Variants in MAST2 observed in about 807,000 individuals in gnomAD.
MAST2 encodes microtubule-associated serine/threonine-protein kinase 2.
MAST2 carries 70 observed loss-of-function variants against 147.4 expected under a neutral mutation model. That is an observed-to-expected ratio of 0.47 (90% confidence interval 0.39 to 0.58). The LOEUF (loss-of-function observed/expected upper bound fraction) is 0.58, where lower values mean the gene tolerates loss of function less well. Ranked by LOEUF, MAST2 falls within the 20% of genes least tolerant of loss-of-function variation. The pLI, the probability that MAST2 is intolerant of heterozygous loss-of-function variation, is 0.00. For synonymous variants in MAST2, 869 were observed against 896.8 expected, an observed-to-expected ratio of 0.97 and a Z score of 0.55; for missense variants, 2,080 against 2,302.3, an observed-to-expected ratio of 0.90 and a Z score of 1.98.
At chr1:45,860,819 C>T (rs936662601) in intron 3 of MAST2, among the ~76,000 whole-genome samples, 2 of 151,776 alleles carry the variant, frequency 1.3e-5, no homozygotes, top group Admixed American at 1.3e-4. Flanking sequence ...GCGACAAGAG[C>T]GAAACTCCGT....
chr1:46,004,918 A>G (rs890557360), intron 7 of MAST2, among the ~76,000 whole-genome samples: 5 of 152,130 alleles, frequency 3.3e-5, no homozygotes, highest in Non-Finnish European at 5.9e-5. Flanking sequence ...TAAAAAAAAA[A>G]TAGCTGGACA....
chr1:45,824,118 T>TA (rs1016509091), intron 1 of MAST2, among the ~76,000 whole-genome samples: 1 of 152,192 alleles, frequency 6.6e-6, no homozygotes, highest in African/African-American at 2.4e-5. Context: ...AGGGTATGAA[T>TA]AAAAGGATAA....
intron 1 of MAST2, among the ~76,000 whole-genome samples, chr1:45,819,267 A>G (rs1334015349): frequency 1.3e-5 from 2 of 152,172 alleles, no homozygotes; most frequent in East Asian, 3.9e-4. Context: ...AAAAAAAAAA[A>G]AAGAATGTAT....
In MAST2 at chr1:45,888,663, C is replaced by CTTTTTTTTTTT. The variant is rs71587722; in HGVS notation, c.500+6294_500+6304dup. On this transcript the variant is annotated intron_variant, in intron 4 of 28. Transcript: ENST00000361297. ...AGGCGTGAGCCACCGCGCGCGGCCT[C>CTTTTTTTTTTT]TTTTTTTTTTTTTTTTTTTTTTTTT... Among the ~76,000 whole-genome samples the CTTTTTTTTTTT allele has an allele frequency of 2.5e-3, 121 of 48,712 alleles. 14 individuals carry two copies. The highest frequency in any genetic ancestry group is 3.0e-3 in the Non-Finnish European group (78 of 25,760). 32.0% of individuals were successfully genotyped at this position (48,712 alleles called of 152,430 possible).
At chr1:46,002,243 C>T (rs1379372598) in intron 6 of MAST2, among the ~76,000 whole-genome samples, 1 of 152,178 alleles carries the variant, frequency 6.6e-6, no homozygotes, top group Non-Finnish European at 1.5e-5. Flanking sequence ...CATAAAGTTA[C>T]TGTCACTCTT....
At chr1:45,823,033 GA>G (rs1348273858) in intron 1 of MAST2, among the ~76,000 whole-genome samples, 1 of 151,958 alleles carries the variant, frequency 6.6e-6, no homozygotes, top group Non-Finnish European at 1.5e-5. Flanking sequence ...ACCATGTTTT[GA>G]AATTGTCTTT....
At chr1:45,834,377 T>G (rs1645043052) in intron 3 of MAST2, among the ~76,000 whole-genome samples, 1 of 152,144 alleles carries the variant, frequency 6.6e-6, no homozygotes, top group Admixed American at 6.5e-5. Context: ...ATTTCCATTT[T>G]GAGGCCATCT....
chr1:45,863,019 T>C (rs1251735074), intron 3 of MAST2, among the ~76,000 whole-genome samples: 2 of 152,178 alleles, frequency 1.3e-5, no homozygotes. Context: ...TCTTCTAGAA[T>C]AGGATTATTA....
At position 46,022,940 on chromosome 1, in the gene MAST2, C is replaced by G. The variant is rs1378998931; in HGVS notation, c.1454C>G (p.Pro485Arg). The part of the protein sequence containing the change: ...EMAQLSSCDS[P>R]DTPETDDSIE... ...GCCCAGTTGAGCAGCTGTGACAGTC[C>G]TGACACTCCAGAGACAGATGATTCT... is the stretch of plus-strand genomic sequence containing the variant. The change falls in exon 13 of 29, where the codon CCT (proline) becomes CGT (arginine). Residue 485 changes from proline (P) to arginine (R), a missense_variant. Transcript: ENST00000361297. 2 of 1,614,018 alleles carry G rather than the reference C, an allele frequency of 1.2e-6. No homozygotes were observed. The highest frequency in any genetic ancestry group is 2.2e-5 in the East Asian group (1 of 44,904).
intron 5 of MAST2, among the ~76,000 whole-genome samples, chr1:45,967,199 G>T (rs1249526937): frequency 1.3e-5 from 2 of 151,688 alleles, no homozygotes; most frequent in African/African-American, 4.8e-5. Context: ...TCATCCTCCC[G>T]AGTAGCTGGG....
Position 46,023,394 on chromosome 1 carries a change from C to T in MAST2, c.1571+76C>T, listed in dbSNP as rs1646270780. 1 of 1,357,478 alleles carries T rather than the reference C, an allele frequency of 7.4e-7. No individual in the cohort carries two copies. Among genetic ancestry groups the T allele is most frequent in the Middle Eastern group, 2.3e-4 (1 of 4,304 alleles). The allele number at this position is 1,357,478 out of a possible 1,614,324, so 84.1% of individuals were successfully genotyped here. A position where few individuals can be genotyped will look rare whatever the true frequency, so the allele number is the denominator to read the frequency against. ...GATCTCTTCCATGTGAGAGTGTATG[C>T]TGCCCAGTCCTCTGGGCAGATGCCT... On this transcript the variant is annotated intron_variant, in intron 14 of 28. Transcript: ENST00000361297. This position sits in a 1 kb window ranked among gnomAD's most constrained non-coding sequence, Gnocchi z 4.9.
chr1:45,830,669 A>G (rs566643980), intron 3 of MAST2, among the ~76,000 whole-genome samples: 1 of 152,252 alleles, frequency 6.6e-6, no homozygotes, highest in South Asian at 2.1e-4. Context: ...TGTGGTATAC[A>G]TATTTAGTAC....
chr1:45,992,434 A>G (rs1268840549), intron 5 of MAST2, among the ~76,000 whole-genome samples: 1 of 152,088 alleles, frequency 6.6e-6, no homozygotes, highest in Admixed American at 6.5e-5. Flanking sequence ...GTTGGATTTG[A>G]TATTTCTAAT....
Position 45,831,456 on chromosome 1 carries a change from T to C in MAST2, c.468+1875T>C, listed in dbSNP as rs57402001. ...AAAGGATATCCTGATAATACCGAAG[T>C]TTGTGATTCTCAGGCCACAGAGAGA... On this transcript the variant is annotated intron_variant, in intron 3 of 28. Transcript: ENST00000361297. Among the ~76,000 whole-genome samples the C allele has an allele frequency of 6.0e-3, 919 of 152,226 alleles. 9 individuals carry two copies. The highest frequency in any genetic ancestry group is 0.021 in the African/African-American group (883 of 41,530).
intron 7 of MAST2, among the ~76,000 whole-genome samples, chr1:46,004,872 A>T (rs1289417805): frequency 6.6e-6 from 1 of 152,200 alleles, no homozygotes; most frequent in Non-Finnish European, 1.5e-5. Flanking sequence ...GAGTTCCAAA[A>T]GACCAGCCTG....
intron 16 of MAST2, among the ~76,000 whole-genome samples, chr1:46,026,505 A>G (rs548314927): frequency 1.3e-5 from 2 of 152,298 alleles, no homozygotes; most frequent in East Asian, 3.9e-4. Context: ...CTAACCAAAG[A>G]TATGATAGAA....
chr1:45,884,144 A>G (rs148632738), intron 4 of MAST2, among the ~76,000 whole-genome samples: 318 of 152,110 alleles, frequency 2.1e-3, no homozygotes, highest in South Asian at 3.9e-3. Flanking sequence ...GGCCTACTCT[A>G]ACTGCCTTAA....
rs773799954 is a variant in MAST2 at position 46,034,945 on chromosome 1, C to T, written c.4276C>T (p.Arg1426Cys). The change falls in exon 29 of 29, where the codon CGC (arginine) becomes TGC (cysteine). Residue 1426 changes from arginine to cysteine, a missense_variant. Arg to Cys is a radical substitution (Grantham distance 180, BLOSUM62 -3). Transcript: ENST00000361297. ...AASEKKLATS[R>C]KHSLDLPHSE... is the part of the protein sequence containing the mutation. Reference sequence around the variant, plus strand: ...CTCTGAGAAGAAGCTAGCCACTTCTCGCAAGCACAGCCTTGACCTGCCCCA... The same window carrying T: ...CTCTGAGAAGAAGCTAGCCACTTCTTGCAAGCACAGCCTTGACCTGCCCCA... 7.3e-5 allele frequency: 118 copies of T among 1,614,016 alleles called. No individual in the cohort carries two copies. Among genetic ancestry groups the T allele is most frequent in the Non-Finnish European group, 8.8e-5 (104 of 1,180,034 alleles).
chr1:46,029,581 T>G lies in MAST2; in HGVS notation c.2320+14T>G. On this transcript the variant is annotated intron_variant, in intron 19 of 28. Transcript: ENST00000361297. ...GACTTGGCACAGGTAGGGCAGGCCCTGCTAACTTTTCTCACTACTTGGAAA... is the reference window on the plus strand; with the variant it reads ...GACTTGGCACAGGTAGGGCAGGCCCGGCTAACTTTTCTCACTACTTGGAAA... 1.2e-6 allele frequency: 2 copies of G among 1,609,954 alleles called. No individual in the cohort carries two copies. The highest frequency in any genetic ancestry group is 1.7e-6 in the Non-Finnish European group (2 of 1,177,556).
Sources: gnomAD v4.1 joint callset for allele counts (sites outside exome capture counted in the v4.1 genomes callset) on GRCh38, gnomAD v4.1.1 for gene constraint, Gnocchi (gnomAD v3.1) non-coding constraint, MANE v1.5 for transcripts, NCBI Gene and HGNC (gene_info 2026-07-23, HGNC 2026-07-21) for gene names.